Variants in AGBL4 observed in about 807,000 individuals in gnomAD.
The protein encoded by AGBL4 is cytosolic carboxypeptidase 6.
In AGBL4, 58 loss-of-function variants were observed where a neutral mutation model predicts 66.4. The observed-to-expected ratio is 0.87, with a 90% CI of 0.71 to 1.09. The LOEUF (loss-of-function observed/expected upper bound fraction) is 1.09, where lower values mean the gene tolerates loss of function less well. Ranked by LOEUF, AGBL4 falls within the 50% of genes least tolerant of loss-of-function variation. The pLI, the probability that AGBL4 is intolerant of heterozygous loss-of-function variation, is 0.00. For synonymous variants in AGBL4, 234 were observed against 222.9 expected (o/e 1.05, Z -0.44); for missense variants, 579 against 631.0 (o/e 0.92, Z 0.88).
chr1:49,128,327 A>G (rs1271032437), intron 4 of AGBL4, among the ~76,000 whole-genome samples: 1 of 152,088 alleles, frequency 6.6e-6, no homozygotes, highest in African/African-American at 2.4e-5. Flanking sequence ...AAATTAACCT[A>G]TAAGTTAAAT....
chr1:49,406,867 C>T (rs956684535), intron 3 of AGBL4, among the ~76,000 whole-genome samples: 2 of 151,752 alleles, frequency 1.3e-5, no homozygotes, highest in African/African-American at 4.8e-5. Flanking sequence ...AAATCGAGAC[C>T]ATCCTGGCTA....
intron 3 of AGBL4, among the ~76,000 whole-genome samples, chr1:49,334,391 A>T (rs17105631): frequency 0.028 from 4,193 of 152,252 alleles, 165 homozygotes; most frequent in African/African-American, 0.095. Flanking sequence ...AAATATTCAT[A>T]CGCATTGACT....
At chr1:48,587,237 A>C in intron 10 of AGBL4, 71 bp from the exon 11 acceptor site, 26 of 1,460,386 alleles carry the variant, frequency 1.8e-5, no homozygotes, top group Non-Finnish European at 2.4e-5. Context: ...CAAATTTTAC[A>C]ACACCTCTGG....
At chr1:49,276,622 C>T (rs745426678) in intron 3 of AGBL4, among the ~76,000 whole-genome samples, 4 of 152,144 alleles carry the variant, frequency 2.6e-5, no homozygotes, top group Non-Finnish European at 4.4e-5. Context: ...GATAGAAACA[C>T]GTACCATCTA....
At chr1:49,392,085 A>G (rs1375275670) in intron 3 of AGBL4, among the ~76,000 whole-genome samples, 1 of 152,212 alleles carries the variant, frequency 6.6e-6, no homozygotes, top group Non-Finnish European at 1.5e-5. Flanking sequence ...AACAGATGCT[A>G]TAGATCTGTC....
intron 2 of AGBL4, among the ~76,000 whole-genome samples, chr1:49,741,178 A>T (rs1386367102): frequency 6.6e-6 from 1 of 152,194 alleles, no homozygotes; most frequent in Non-Finnish European, 1.5e-5. Flanking sequence ...AAGAAAAGAG[A>T]GAAGAATCAA....
intron 3 of AGBL4, among the ~76,000 whole-genome samples, chr1:49,282,953 C>T (rs944258347): frequency 3.3e-5 from 5 of 152,178 alleles, no homozygotes; most frequent in South Asian, 4.1e-4. Context: ...GAGGGGCGCC[C>T]GCCATTGCCC....
intron 6 of AGBL4, chr1:48,742,856 C>A (rs2148598424): frequency 7.4e-7 from 1 of 1,342,688 alleles, no homozygotes. Flanking sequence ...ATCAGCACAC[C>A]ATGGCACAAA....
chr1:48,867,557 A>C (rs1648231797), intron 5 of AGBL4, among the ~76,000 whole-genome samples: 2 of 152,148 alleles, frequency 1.3e-5, no homozygotes, highest in South Asian at 4.1e-4. Flanking sequence ...CCAGTTTCCC[A>C]GTCATGGGCT....
chr1:49,592,017 C>T (rs1448235314), intron 3 of AGBL4, among the ~76,000 whole-genome samples: 1 of 152,150 alleles, frequency 6.6e-6, no homozygotes, highest in African/African-American at 2.4e-5. Context: ...CCATTCTGGA[C>T]ATAGGCCCTG....
At chr1:48,532,251 C>T (rs534625532), downstream of AGBL4, among the ~76,000 whole-genome samples, 1 of 152,282 alleles carries the variant, frequency 6.6e-6, no homozygotes, top group East Asian at 1.9e-4. Context: ...GTTCATTAAA[C>T]TTTCATAACT....
intron 3 of AGBL4, among the ~76,000 whole-genome samples, chr1:49,681,255 G>C (rs1372814599): frequency 6.6e-6 from 1 of 152,084 alleles, no homozygotes; most frequent in Admixed American, 6.6e-5. Flanking sequence ...CCCAGTTCTT[G>C]CTATGACAGA....
At chr1:48,646,552 T>TGTGTGTGTGC (rs1553200348) in intron 8 of AGBL4, among the ~76,000 whole-genome samples, 1 of 151,190 alleles carries the variant, frequency 6.6e-6, no homozygotes, top group African/African-American at 2.5e-5. Context: ...TGTGTGTGTG[T>TGTGTGTGTGC]GTGCTGGTGC....
At chr1:49,120,660 C>T (rs1004879133) in intron 4 of AGBL4, among the ~76,000 whole-genome samples, 8 of 151,974 alleles carry the variant, frequency 5.3e-5, no homozygotes, top group African/African-American at 1.2e-4. Context: ...TTTCAACCTT[C>T]GTGAAACTGA....
At chr1:49,417,118 C>T (rs1328005290) in intron 3 of AGBL4, among the ~76,000 whole-genome samples, 1 of 152,006 alleles carries the variant, frequency 6.6e-6, no homozygotes, top group Non-Finnish European at 1.5e-5. Flanking sequence ...AGGTCTATCC[C>T]TTCAGTGTGA....
intron 4 of AGBL4, among the ~76,000 whole-genome samples, chr1:49,232,842 AAC>A: frequency 6.6e-6 from 1 of 152,338 alleles, no homozygotes; most frequent in Admixed American, 6.5e-5. Context: ...CACACAAAAG[AAC>A]ACACAAAAAG....
chr1:49,790,329 AT>A (rs550053170), intron 2 of AGBL4, among the ~76,000 whole-genome samples: 91 of 149,468 alleles, frequency 6.1e-4, no homozygotes, highest in African/African-American at 2.2e-3. Flanking sequence ...GCATGACTGC[AT>A]TCCAGCCTGG....
Position 49,551,221 on chromosome 1 carries a change from T to A in AGBL4, c.282+146092A>T, listed in dbSNP as rs546178736. On this transcript the variant is annotated intron_variant, in intron 3 of 13. Coordinates refer to ENST00000371839, the MANE Select transcript of AGBL4 (RefSeq NM_032785.4). ...TCTTGTATCATTTTTTTGAATTTCC[T>A]TGCATTGGGCTTTGCCTTTCTCTGG... 5.3e-5 allele frequency among the ~76,000 whole-genome samples: 8 copies of A among 152,352 alleles called. No homozygotes were observed. The South Asian group carries it at 1.0e-3, about 20-fold the overall frequency.
intron 3 of AGBL4, among the ~76,000 whole-genome samples, chr1:49,464,288 A>C (rs954426136): frequency 1.3e-5 from 2 of 151,760 alleles, no homozygotes; most frequent in Admixed American, 6.6e-5. Context: ...AATGGAGATT[A>C]TTACTGTTTT....
Sources: gnomAD v4.1 joint callset for allele counts (sites outside exome capture counted in the v4.1 genomes callset) on GRCh38, gnomAD v4.1.1 for gene constraint, MANE v1.5 for transcripts, NCBI Gene and HGNC (gene_info 2026-07-23, HGNC 2026-07-21) for gene names.